Variants in PCDH15 observed in about 807,000 individuals in gnomAD.
The protein encoded by PCDH15 is protocadherin-15.
In PCDH15, 129 loss-of-function variants were observed where a neutral mutation model predicts 178.5. The ratio of observed to expected loss-of-function variants is 0.72; its 90% CI spans 0.63 to 0.84. The LOEUF (loss-of-function observed/expected upper bound fraction) is 0.84, where lower values mean the gene tolerates loss of function less well. Among genes scored for constraint, PCDH15 ranks in the 40% least tolerant of loss-of-function variants. The pLI is 0.00. For synonymous variants in PCDH15, 800 were observed against 732.0 expected (o/e 1.09, Z -1.50); for missense variants, 2,230 against 2,099.9 (o/e 1.06, Z -1.21).
chr10:53,843,220 G>C (rs561134272), intron 28 of PCDH15, among the ~76,000 whole-genome samples: 2 of 152,120 alleles, frequency 1.3e-5, no homozygotes, highest in Middle Eastern at 3.4e-3. Context: ...ATGATAAAAA[G>C]AGATATAGCC....
chr10:55,532,080 G>T (rs1404728608), intron 2 of PCDH15, among the ~76,000 whole-genome samples: 6 of 151,980 alleles, frequency 3.9e-5, no homozygotes, highest in African/African-American at 9.6e-5. Context: ...AATAACAGTT[G>T]TACATAGCTA....
At chr10:55,311,336 T>C (rs1264196300) in intron 1 of PCDH15, among the ~76,000 whole-genome samples, 1 of 152,126 alleles carries the variant, frequency 6.6e-6, no homozygotes, top group South Asian at 2.1e-4. Flanking sequence ...CTTGTTAATA[T>C]GAGATTCCCC....
chr10:55,291,118 C>A (rs1842996786), intron 1 of PCDH15, among the ~76,000 whole-genome samples: 1 of 152,014 alleles, frequency 6.6e-6, no homozygotes, highest in Non-Finnish European at 1.5e-5. Flanking sequence ...TCCCCCCGGC[C>A]CCTCCCAAAT....
intron 2 of PCDH15, among the ~76,000 whole-genome samples, chr10:55,474,453 C>T (rs1565176344): frequency 2.0e-5 from 3 of 152,156 alleles, no homozygotes; most frequent in Non-Finnish European, 4.4e-5. Context: ...TGGCAGGATG[C>T]CAACTTCTAA....
At chr10:55,152,348 CAA>C (rs61001225) in intron 2 of PCDH15, among the ~76,000 whole-genome samples, 1 of 139,760 alleles carries the variant, frequency 7.2e-6, no homozygotes, top group African/African-American at 2.6e-5. Flanking sequence ...GGCAAATTAC[CAA>C]AAAAAAATCT....
At chr10:54,466,072 A>T (rs1306530406) in intron 3 of PCDH15, among the ~76,000 whole-genome samples, 1 of 151,776 alleles carries the variant, frequency 6.6e-6, no homozygotes, top group Non-Finnish European at 1.5e-5. Context: ...CATTTTAACA[A>T]TGTGTTGAGA....
intron 2 of PCDH15, among the ~76,000 whole-genome samples, chr10:54,642,207 G>C (rs1359752290): frequency 6.6e-6 from 1 of 152,090 alleles, no homozygotes; most frequent in Admixed American, 6.6e-5. Context: ...ACAGAGAAAA[G>C]ACCACTGTCA....
intron 17 of PCDH15, among the ~76,000 whole-genome samples, chr10:54,072,174 C>A (rs1305927508): frequency 1.3e-5 from 2 of 152,064 alleles, no homozygotes; most frequent in East Asian, 1.9e-4. Context: ...ATCTAAAATT[C>A]TTTTCAATAA....
intron 2 of PCDH15, among the ~76,000 whole-genome samples, chr10:55,395,591 T>A (rs991586780): frequency 6.6e-6 from 1 of 152,124 alleles, no homozygotes; most frequent in Non-Finnish European, 1.5e-5. Context: ...TTTAAGCCTA[T>A]AGAATTTTCT....
intron 2 of PCDH15, among the ~76,000 whole-genome samples, chr10:54,952,391 G>T (rs1838367278): frequency 6.6e-6 from 1 of 151,776 alleles, no homozygotes; most frequent in East Asian, 1.9e-4. Flanking sequence ...ATATCACACT[G>T]TCGTGATTGG....
At chr10:54,755,051 C>A (rs988257373) in intron 1 of PCDH15, among the ~76,000 whole-genome samples, 2 of 146,962 alleles carry the variant, frequency 1.4e-5, no homozygotes, top group Non-Finnish European at 3.0e-5. Context: ...TAGGTTCAAG[C>A]GATTCTCCTG....
chr10:54,041,403 T>TTTTCAGGGCA (rs1348844330), intron 18 of PCDH15, among the ~76,000 whole-genome samples: 7 of 152,050 alleles, frequency 4.6e-5, no homozygotes, highest in Non-Finnish European at 1.0e-4. Context: ...CTGAACAACA[T>TTTTCAGGGCA]TTTCAGGGCT....
chr10:54,602,360 T>A (rs562062067), intron 2 of PCDH15, among the ~76,000 whole-genome samples: 1 of 152,098 alleles, frequency 6.6e-6, no homozygotes, highest in African/African-American at 2.4e-5. Context: ...ACTAAATTCA[T>A]GTATTAATTG....
At chr10:54,209,394 T>C (rs747776707) in intron 10 of PCDH15, among the ~76,000 whole-genome samples, 8 of 152,064 alleles carry the variant, frequency 5.3e-5, no homozygotes, top group East Asian at 1.9e-4. Context: ...AAATAAAGAA[T>C]TGCAGTAGAT....
At chr10:55,246,367 C>T (rs1178171959) in intron 1 of PCDH15, among the ~76,000 whole-genome samples, 2 of 152,152 alleles carry the variant, frequency 1.3e-5, no homozygotes, top group East Asian at 1.9e-4. Flanking sequence ...AATAAATACA[C>T]GTTATCTGTA....
chr10:54,201,167 A>G (rs1012167124), intron 10 of PCDH15, among the ~76,000 whole-genome samples: 1 of 152,156 alleles, frequency 6.6e-6, no homozygotes, highest in African/African-American at 2.4e-5. Flanking sequence ...AGTGAAAACC[A>G]CTTTTTTGAA....
chr10:54,925,368 T>C (rs1239150206), intron 2 of PCDH15, among the ~76,000 whole-genome samples: 1 of 152,068 alleles, frequency 6.6e-6, no homozygotes, highest in Non-Finnish European at 1.5e-5. Flanking sequence ...ATATTAAAGT[T>C]AGGTAGTATA....
chr10:55,375,063 A>G (rs1845587356), intron 2 of PCDH15, among the ~76,000 whole-genome samples: 1 of 152,084 alleles, frequency 6.6e-6, no homozygotes, highest in African/African-American at 2.4e-5. Context: ...TCCTCACCAC[A>G]TATATGTTGT....
chr10:55,435,239 A>G (rs1839010927), intron 2 of PCDH15, among the ~76,000 whole-genome samples: 1 of 152,202 alleles, frequency 6.6e-6, no homozygotes, highest in Non-Finnish European at 1.5e-5. Flanking sequence ...GTATAAGCTT[A>G]AAGGTACGAA....
Sources: gnomAD v4.1 joint callset for allele counts (sites outside exome capture counted in the v4.1 genomes callset) on GRCh38, gnomAD v4.1.1 for gene constraint, MANE v1.5 for transcripts, NCBI Gene and HGNC (gene_info 2026-07-23, HGNC 2026-07-21) for gene names.